The following CDH22 variants were observed in gnomAD, a reference collection of about 807,000 sequenced individuals.
CDH22 encodes the protein cadherin 22, also known as cadherin-22.
A neutral mutation model predicts 58.4 loss-of-function variants in CDH22; 30 were observed. The observed-to-expected ratio is 0.51, with a 90% CI of 0.38 to 0.70. The LOEUF is 0.70. Ranked by LOEUF, CDH22 falls within the 30% of genes least tolerant of loss-of-function variation. The probability of loss-of-function intolerance (pLI) is 0.00; values close to 1 mark genes in which losing one functional copy is unlikely to be tolerated. For missense variants in CDH22, 1,014 were observed against 1,233.9 expected (o/e 0.82, Z 2.67); for synonymous variants, 513 against 558.2 (o/e 0.92, Z 1.14).
rs111406456 is a variant in CDH22 at position 46,307,040 on chromosome 20, G to A, written c.-400+1215C>T. Among the ~76,000 whole-genome samples, 1,240 of 152,344 alleles carry A rather than the reference G, an allele frequency of 8.1e-3. 23 individuals carry two copies. The highest frequency in any genetic ancestry group is 0.029 in the African/African-American group (1,194 of 41,580). ...AACAGCCAAAGCCCTCAAATGAGCC[G>A]CTGCCTGTGCTGGGGGCACCTCGGC... On this transcript the variant is annotated intron_variant, in intron 1 of 11. Transcript: ENST00000537909.
At chr20:46,246,955 C>G (rs570309374) in intron 2 of CDH22, among the ~76,000 whole-genome samples, 2 of 141,116 alleles carry the variant, frequency 1.4e-5, no homozygotes, top group African/African-American at 5.4e-5. Context: ...CTCGTACATA[C>G]GAGGGACTCA....
chr20:46,217,062 C>G, intron 4 of CDH22, 69 bp from the exon 5 acceptor site: 7 of 1,484,726 alleles, frequency 4.7e-6, no homozygotes, highest in Non-Finnish European at 6.4e-6. Context: ...GACCCCTGTA[C>G]AGGCGGGATT....
At chr20:46,290,374 G>T in intron 1 of CDH22, among the ~76,000 whole-genome samples, 1 of 152,056 alleles carries the variant, frequency 6.6e-6, no homozygotes, top group East Asian at 1.9e-4. Flanking sequence ...GCATCTAGTG[G>T]GTAGAGGCCA....
intron 10 of CDH22, 81 bp from the exon 11 acceptor site, chr20:46,178,278 TGA>T (rs2085756120): frequency 2.0e-6 from 3 of 1,497,586 alleles, no homozygotes; most frequent in African/African-American, 1.4e-5. Flanking sequence ...GATTGCATCG[TGA>T]GATTTGCCTC....
chr20:46,246,646 C>T (rs949203372), intron 2 of CDH22, among the ~76,000 whole-genome samples: 5 of 152,040 alleles, frequency 3.3e-5, no homozygotes, highest in South Asian at 2.1e-4. Flanking sequence ...GGGGCCTTGG[C>T]GACAACCGCG....
At position 46,216,025 on chromosome 20, in the gene CDH22, C is replaced by G. The variant is rs2086082572; in HGVS notation, c.838+801G>C. Among the ~76,000 whole-genome samples the G allele has an allele frequency of 6.6e-6, 1 of 152,240 alleles. No individual in the cohort carries two copies. Among genetic ancestry groups the G allele is most frequent in the Non-Finnish European group, 1.5e-5 (1 of 68,042 alleles). On this transcript the variant is annotated intron_variant, in intron 5 of 11. Coordinates refer to ENST00000537909, the MANE Select transcript of CDH22 (RefSeq NM_021248.3). The surrounding 1 kb of genome is among the most constrained non-coding windows in gnomAD (Gnocchi z 5.3). Reference sequence around the variant, plus strand: ...CAGCTAAGGGATTGGATTCCCTTATCTCTCGGGGGTCAGTCCCCTGTGGCG... The same window carrying G: ...CAGCTAAGGGATTGGATTCCCTTATGTCTCGGGGGTCAGTCCCCTGTGGCG...
At chr20:46,284,147 C>T (rs1411228973) in intron 1 of CDH22, among the ~76,000 whole-genome samples, 1 of 152,024 alleles carries the variant, frequency 6.6e-6, no homozygotes, top group African/African-American at 2.4e-5. Flanking sequence ...CCTATACACA[C>T]CGAGAGGGGG....
chr20:46,176,629 G>A (rs1353433586), intron 11 of CDH22, among the ~76,000 whole-genome samples: 1 of 152,244 alleles, frequency 6.6e-6, no homozygotes, highest in African/African-American at 2.4e-5. Context: ...AGTGGCCAGA[G>A]CTGGCTGTGA....
rs138337494 is a variant in CDH22, at chr20:46,290,193, A to G, written c.-400+18062T>C. Among the ~76,000 whole-genome samples the G allele has an allele frequency of 3.9e-5, 6 of 152,338 alleles. No individual in the cohort carries two copies. The East Asian group carries it at 1.2e-3, about 29-fold the overall frequency. ...TGAGGGGCTCAACTTGAGGATATTT[A>G]TTAGATTTTCAAAGCTTCTTTGCCA... On this transcript the variant is annotated intron_variant, in intron 1 of 11. Transcript: ENST00000537909.
At position 46,195,037 on chromosome 20, in the gene CDH22, G is replaced by A. The variant is rs189312827; in HGVS notation, c.1423+4386C>T. On this transcript the variant is annotated intron_variant, in intron 8 of 11. Transcript: ENST00000537909. ...GAACCACCGTGCCCAGCCAGGAGCT[G>A]CTATTATTAATAGTTACCATTGTCA... Among the ~76,000 whole-genome samples the A allele has an allele frequency of 1.1e-4, 17 of 152,284 alleles. No individual in the cohort carries two copies. In the South Asian group the frequency reaches 2.9e-3, roughly 26 times the overall value.
At chr20:46,227,399 A>T in intron 4 of CDH22, 109 bp downstream of exon 4, 1 of 1,111,816 alleles carries the variant, frequency 9.0e-7, no homozygotes, top group Non-Finnish European at 1.3e-6. Context: ...TGCTGTCCTC[A>T]GAGCTTCTGG....
intron 2 of CDH22, among the ~76,000 whole-genome samples, chr20:46,247,111 G>A (rs551694949): frequency 1.3e-5 from 2 of 152,230 alleles, no homozygotes; most frequent in Admixed American, 6.5e-5. Context: ...TGGGATTTGG[G>A]GCGGGAGTTC....
At chr20:46,277,272 A>G (rs1036610753) in intron 1 of CDH22, among the ~76,000 whole-genome samples, 8 of 152,248 alleles carry the variant, frequency 5.3e-5, no homozygotes, top group Admixed American at 2.6e-4. Flanking sequence ...ATGGTGGTGT[A>G]TGAACCAAAC....
chr20:46,213,020 T>C lies in CDH22; in HGVS notation c.1007A>G (p.Gln336Arg). The C allele has an allele frequency of 1.2e-6, 2 of 1,614,082 alleles. No individual in the cohort carries two copies. Among genetic ancestry groups the C allele is most frequent in the Non-Finnish European group, 8.5e-7 (1 of 1,179,908 alleles). The change falls in exon 6 of 12, where the codon CAG (glutamine) becomes CGG (arginine). Residue 336 changes from glutamine to arginine, a missense_variant. Gln to Arg is a conservative substitution (Grantham distance 43). This residue lies in a region of CDH22 where 806 missense variants were observed against 1,038.7 expected (regional missense o/e 0.78). Coordinates refer to ENST00000537909, the MANE Select transcript of CDH22 (RefSeq NM_021248.3). ...CTTCTGCACTACGATGATGGCCTCCTGAGTGTCGCTGTCTGTGGTGACCTT... is the reference window on the plus strand; with the variant it reads ...CTTCTGCACTACGATGATGGCCTCCCGAGTGTCGCTGTCTGTGGTGACCTT... Reference protein sequence around the residue: ...VFKVTTDSDTQEAIIVVQKRL... With the variant: ...VFKVTTDSDTREAIIVVQKRL...
chr20:46,285,506 A>G lies in CDH22; in HGVS notation c.-400+22749T>C, dbSNP rs140073890. Among the ~76,000 whole-genome samples, 16 of 152,328 alleles carry G rather than the reference A, an allele frequency of 1.1e-4. No individual in the cohort carries two copies. The East Asian group carries it at 3.1e-3, about 29-fold the overall frequency. On this transcript the variant is annotated intron_variant, in intron 1 of 11. Transcript: ENST00000537909. ...GGGTGGAGGGCAGGAATGTTGCTAA[A>G]CATTCCAAAGTGCCCAGGACACCTT...
In CDH22 at chr20:46,178,124, G is replaced by A; in HGVS notation, c.1737C>T (p.Ile579=). 3 of 1,614,056 alleles carry A rather than the reference G, an allele frequency of 1.9e-6. No homozygotes were observed. Among genetic ancestry groups the A allele is most frequent in the Non-Finnish European group, 2.5e-6 (3 of 1,179,976 alleles). Reference sequence around the variant, plus strand: ...TGGGCGGCCCACTGTCTACCACCAGGATGGGCAGGAAGAACACGTCCTGCT... The same window carrying A: ...TGGGCGGCCCACTGTCTACCACCAGAATGGGCAGGAAGAACACGTCCTGCT... ...RQEQDVFFLP[I]LVVDSGPPTL... Residue 579 remains isoleucine (I), a synonymous_variant, in exon 11 of 12, where the codon ATC becomes ATT. Transcript: ENST00000537909.
chr20:46,223,604 ATTTC>A (rs1048470958), intron 4 of CDH22, among the ~76,000 whole-genome samples: 6 of 149,818 alleles, frequency 4.0e-5, no homozygotes, highest in Admixed American at 6.6e-5. Context: ...GCCTGTTGTG[ATTTC>A]TTTCTTTTTC....
At chr20:46,260,328 A>C (rs1399239165) in intron 1 of CDH22, among the ~76,000 whole-genome samples, 1 of 152,190 alleles carries the variant, frequency 6.6e-6, no homozygotes, top group East Asian at 1.9e-4. Context: ...GATGTTGTGG[A>C]ACTACTGAAT....
chr20:46,239,672 C>T (rs980538170), intron 3 of CDH22, among the ~76,000 whole-genome samples: 15 of 152,356 alleles, frequency 9.8e-5, no homozygotes, highest in Non-Finnish European at 1.9e-4. Flanking sequence ...AGCAATGGAG[C>T]GTGGCTTAGG....
Sources: gnomAD v4.1 joint callset for allele counts (sites outside exome capture counted in the v4.1 genomes callset) on GRCh38, gnomAD v4.1.1 for gene constraint, gnomAD v4.1.1 regional missense constraint, Gnocchi (gnomAD v3.1) non-coding constraint, MANE v1.5 for transcripts, NCBI Gene and HGNC (gene_info 2026-07-23, HGNC 2026-07-21) for gene names.